COL6A2: variants seen among roughly 807,000 people sequenced by gnomAD.
COL6A2 encodes collagen alpha-2(VI) chain.
Under a neutral mutation model 124.9 loss-of-function variants are expected in COL6A2, and 90 were observed. That is an observed-to-expected ratio of 0.72 (90% CI 0.61 to 0.86). COL6A2 has a LOEUF of 0.86. COL6A2 is among the 40% of genes least tolerant of loss of function. The pLI, the probability that COL6A2 is intolerant of heterozygous loss-of-function variation, is 0.00. For synonymous variants in COL6A2, 793 were observed against 618.2 expected, an observed-to-expected ratio of 1.28 and a Z score of -4.19; for missense variants, 1,607 against 1,502.5, an observed-to-expected ratio of 1.07 and a Z score of -1.15.
chr21:46,127,690 C>T (rs1184798921), intron 27 of COL6A2, among the ~76,000 whole-genome samples: 3 of 151,580 alleles, frequency 2.0e-5, no homozygotes, highest in East Asian at 1.9e-4. Flanking sequence ...TGATGGGCGA[C>T]ATGGCGATGG....
intron 26 of COL6A2, 124 bp from the exon 27 acceptor site, chr21:46,126,379 C>A (rs144239011): frequency 1.3e-6 from 2 of 1,527,856 alleles, no homozygotes; most frequent in Non-Finnish European, 1.8e-6. Context: ...GGGTCGGGCC[C>A]TCTCGGGGCT....
chr21:46,120,287 G>A (rs1461262546), intron 15 of COL6A2, among the ~76,000 whole-genome samples: 2 of 152,168 alleles, frequency 1.3e-5, no homozygotes, highest in Non-Finnish European at 2.9e-5. Flanking sequence ...TCCTACCCAC[G>A]TGTGGGTGGC....
rs183615638 is a variant in COL6A2, at chr21:46,114,742, G to C, written c.801+669G>C. On this transcript the variant is annotated intron_variant, in intron 5 of 27. Transcript: ENST00000300527. ...GGTTTGAATGTCCCCTGCATTTTCT[G>C]GTTTGAACATCCCCTGCATTTTCCT... 8.5e-5 allele frequency among the ~76,000 whole-genome samples: 13 copies of C among 152,212 alleles called. No individual in the cohort carries two copies. In the South Asian group the frequency reaches 1.9e-3, roughly 22 times the overall value.
At chr21:46,130,902 G>A (rs116138459) in intron 27 of COL6A2, among the ~76,000 whole-genome samples, 380 of 152,290 alleles carry the variant, frequency 2.5e-3, no homozygotes, top group African/African-American at 8.6e-3. Flanking sequence ...GTGCTCAGAC[G>A]GCGTCCATGT....
chr21:46,123,846 GATGA>G (rs961107424), intron 21 of COL6A2, among the ~76,000 whole-genome samples: 42 of 151,286 alleles, frequency 2.8e-4, no homozygotes, highest in African/African-American at 9.9e-4. Context: ...AGGATGGATG[GATGA>G]ATGAGTTAGT....
At chr21:46,119,167 C>A in intron 14 of COL6A2, 48 bp downstream of exon 14, 1 of 1,440,554 alleles carries the variant, frequency 6.9e-7, no homozygotes, top group Non-Finnish European at 9.7e-7. Context: ...GGGCATCCTC[C>A]TTGCAGCTTG....
Position 46,119,819 on chromosome 21 carries a change from G to A in COL6A2, c.1301G>A (p.Ser434Asn), listed in dbSNP as rs868417094. 1.3e-6 allele frequency: 2 copies of A among 1,564,232 alleles called. No homozygotes were observed. Among genetic ancestry groups the A allele is most frequent in the African/African-American group, 1.3e-5 (1 of 74,364 alleles). Residue 434 changes from serine (S) to asparagine (N), a missense_variant, in exon 15 of 28, where the codon AGC (serine) becomes AAC (asparagine). Physicochemically the swap from Ser to Asn is conservative, Grantham distance 46. This residue lies in a region of COL6A2 where 1,223 missense variants were observed against 1,052.2 expected (regional missense o/e 1.16). Transcript: ENST00000300527. The stretch of plus-strand genomic sequence containing the variant: ...AGGGGAGACCCCGGCACCAAGGGCA[G>A]CCCAGGCAGCGATGGCCCCAAGGGG... Reference protein sequence around the residue: ...GRRGDPGTKGSPGSDGPKGEK... With the variant: ...GRRGDPGTKGNPGSDGPKGEK...
At position 46,120,144 on chromosome 21, in the gene COL6A2, A is replaced by AC. The variant is rs56335207; in HGVS notation, c.1332+299dup. Among the ~76,000 whole-genome samples the AC allele has an allele frequency of 0.033, 4,446 of 135,924 alleles. 130 individuals carry two copies. Among genetic ancestry groups the AC allele is most frequent in the Middle Eastern group, 0.091 (23 of 252 alleles). The allele number at this position is 135,924 out of a possible 152,430, so 89.2% of individuals were successfully genotyped here. ...CCCGGCCCCCACTGAGGCACCTCTTACCCCCAGCCCACTGAGGCATTGCTC... is the reference window on the plus strand; with the variant it reads ...CCCGGCCCCCACTGAGGCACCTCTTACCCCCCAGCCCACTGAGGCATTGCTC... On this transcript the variant is annotated intron_variant, in intron 15 of 27. Transcript: ENST00000300527.
intron 27 of COL6A2, chr21:46,129,418 T>C: frequency 6.2e-7 from 1 of 1,612,364 alleles, no homozygotes; most frequent in South Asian, 1.1e-5. Context: ...TGGATGGAGC[T>C]GTTCATTGAC....
At chr21:46,126,592 G>C in intron 27 of COL6A2, 51 bp downstream of exon 27, 1 of 1,610,568 alleles carries the variant, frequency 6.2e-7, no homozygotes, top group Non-Finnish European at 8.5e-7. Context: ...AGCAGCCCTG[G>C]TGTCCTTCCT....
chr21:46,119,831 A>T lies in COL6A2; in HGVS notation c.1313A>T (p.Asp438Val). The T allele has an allele frequency of 6.4e-7, 1 of 1,562,050 alleles. No homozygotes were observed. Among genetic ancestry groups the T allele is most frequent in the Non-Finnish European group, 8.7e-7 (1 of 1,152,618 alleles). Reference sequence around the variant, plus strand: ...GGCACCAAGGGCAGCCCAGGCAGCGATGGCCCCAAGGGGGAGAAGGTGAGT... The same window carrying T: ...GGCACCAAGGGCAGCCCAGGCAGCGTTGGCCCCAAGGGGGAGAAGGTGAGT... ...DPGTKGSPGSDGPKGEKGDPG... is the reference protein window; with the variant it reads ...DPGTKGSPGSVGPKGEKGDPG... The change falls in exon 15 of 28, where the codon GAT becomes GTT. Residue 438 changes from aspartate to valine, a missense_variant. Transcript: ENST00000300527.
At position 46,132,283 on chromosome 21, in the gene COL6A2, A is replaced by G. The variant is rs1287760621; in HGVS notation, c.2791A>G (p.Ser931Gly). 1.9e-6 allele frequency: 3 copies of G among 1,606,946 alleles called. No homozygotes were observed. Among genetic ancestry groups the G allele is most frequent in the African/African-American group, 2.7e-5 (2 of 74,996 alleles). Residue 931 changes from serine to glycine, a missense_variant, in exon 28 of 28, where the codon AGC (serine) becomes GGC (glycine). Around this residue, in one of 3 missense-constraint regions of COL6A2, gnomAD observed 1,223 missense variants for 1,052.2 expected, o/e 1.16. Transcript: ENST00000300527. ...VVHAINAIVR[S>G]PRGGARRHAE... ...GCACGCCATCAATGCCATCGTGCGC[A>G]GCCCGCGTGGCGGGGCCCGGAGGCA...
chr21:46,118,471 C>A, intron 12 of COL6A2, 143 bp from the exon 13 acceptor site: 1 of 754,768 alleles, frequency 1.3e-6, no homozygotes, highest in Non-Finnish European at 2.3e-6. Flanking sequence ...AGCCCCCAGC[C>A]AGCATCTGGC....
Position 46,125,490 on chromosome 21 carries a change from G to A in COL6A2, c.1842G>A (p.Leu614=), listed in dbSNP as rs1273788108. 1.9e-6 allele frequency: 3 copies of A among 1,612,966 alleles called. 1 individual carries two copies. The highest frequency in any genetic ancestry group is 2.2e-5 in the South Asian group (2 of 91,078). ...ACTGTGAGAAGCGCTGTGGCGCCCTGGACGTGGTCTTCGTCATCGACAGCT... is the reference window on the plus strand; with the variant it reads ...ACTGTGAGAAGCGCTGTGGCGCCCTAGACGTGGTCTTCGTCATCGACAGCT... ...CCDCEKRCGA[L]DVVFVIDSSE... The change falls in exon 25 of 28, where the codon CTG becomes CTA. Residue 614 remains leucine, a synonymous_variant. Transcript: ENST00000300527.
chr21:46,117,742 T>A, intron 11 of COL6A2, 132 bp from the exon 12 acceptor site: 2 of 862,652 alleles, frequency 2.3e-6, no homozygotes, highest in Non-Finnish European at 3.5e-6. Context: ...GGCCTCTTGG[T>A]CACTGAGCCT....
chr21:46,116,471 C>T lies in COL6A2; in HGVS notation c.927+68C>T, dbSNP rs577185171. 29 of 1,599,050 alleles carry T rather than the reference C, an allele frequency of 1.8e-5. No individual in the cohort carries two copies. The highest frequency in any genetic ancestry group is 8.9e-5 in the East Asian group (4 of 44,704). ...CGGCCCAGACCCACCTCTTGGCGTCCGCCGCAGCCTGTCACTGCTCCTGGG... is the reference window on the plus strand; with the variant it reads ...CGGCCCAGACCCACCTCTTGGCGTCTGCCGCAGCCTGTCACTGCTCCTGGG... On this transcript the variant is annotated intron_variant, in intron 8 of 27. Transcript: ENST00000300527. The surrounding 1 kb of genome is among the most constrained non-coding windows in gnomAD (Gnocchi z 4.6).
chr21:46,129,624 G>T (rs2078732644), intron 27 of COL6A2: 11 of 1,429,540 alleles, frequency 7.7e-6, no homozygotes, highest in Non-Finnish European at 7.3e-6. Flanking sequence ...GTCCTTCCAG[G>T]GGCTCTGGGG....
rs904328819 is a variant in COL6A2, at chr21:46,098,163, C to T, written c.-38C>T. 2.0e-5 allele frequency: 3 copies of T among 152,242 alleles called. No individual in the cohort carries two copies. Among genetic ancestry groups the T allele is most frequent in the East Asian group, 3.9e-4 (2 of 5,174 alleles). The allele number at this position is 152,242 out of a possible 1,614,324, so 9.4% of individuals were successfully genotyped here. A position where few individuals can be genotyped will look rare whatever the true frequency, so the allele number is the denominator to read the frequency against. On this transcript the variant is annotated 5_prime_UTR_variant, in exon 1 of 28. Transcript: ENST00000300527. ...CTCGGGCCGTCGGGAGCGGAGCCTC[C>T]TCGGGACCAGGTGAGCGCCTCCCGG...
chr21:46,117,362 C>T (rs978484175), intron 10 of COL6A2, 38 bp from the exon 11 acceptor site: 2 of 1,603,720 alleles, frequency 1.2e-6, no homozygotes, highest in African/African-American at 2.7e-5. Flanking sequence ...GACCCCAGAA[C>T]CCCGCCCTGA....
Sources: gnomAD v4.1 joint callset for allele counts (sites outside exome capture counted in the v4.1 genomes callset) on GRCh38, gnomAD v4.1.1 for gene constraint, gnomAD v4.1.1 regional missense constraint, Gnocchi (gnomAD v3.1) non-coding constraint, MANE v1.5 for transcripts, NCBI Gene and HGNC (gene_info 2026-07-23, HGNC 2026-07-21) for gene names.